RNGTT: variants seen among roughly 807,000 people sequenced by gnomAD.
RNGTT encodes RNA guanylyltransferase and 5'-phosphatase.
Under a neutral mutation model 79.3 loss-of-function variants are expected in RNGTT, and 33 were observed. The observed-to-expected ratio is 0.42, with a 90% confidence interval of 0.32 to 0.56. The LOEUF is 0.56. Ranked by LOEUF, RNGTT falls within the 20% of genes least tolerant of loss-of-function variation. RNGTT has a pLI of 0.17. For synonymous variants in RNGTT, 222 were observed against 235.9 expected (o/e 0.94, Z 0.54); for missense variants, 497 against 739.1 (o/e 0.67, Z 3.80).
rs760115701 is a variant in RNGTT at position 88,929,018 on chromosome 6, G to T, written c.334C>A (p.Arg112=). ...NTETFIRLCE[R]FNERNPPELI... is the part of the protein sequence containing the mutation. ...TCAGGTGGATTTCTTTCATTAAACC[G>T]CTCACACAGACGAATAAAGGTCTCA... is the stretch of plus-strand genomic sequence containing the variant. Residue 112 remains arginine, a synonymous_variant, in exon 4 of 16, where the codon CGG becomes AGG. Transcript: ENST00000369485. The T allele has an allele frequency of 3.7e-5, 59 of 1,611,978 alleles. No homozygotes were observed. Among genetic ancestry groups the T allele is most frequent in the Non-Finnish European group, 4.8e-5 (57 of 1,179,042 alleles).
At chr6:88,824,932 G>A (rs1209776500) in intron 11 of RNGTT, among the ~76,000 whole-genome samples, 3 of 151,702 alleles carry the variant, frequency 2.0e-5, no homozygotes, top group Non-Finnish European at 2.9e-5. Flanking sequence ...TAGTAAAGAC[G>A]GGGTTTCACC....
chr6:88,799,863 T>C (rs985877835), intron 12 of RNGTT, among the ~76,000 whole-genome samples: 1 of 152,184 alleles, frequency 6.6e-6, no homozygotes, highest in Non-Finnish European at 1.5e-5. Flanking sequence ...TTTCACACAC[T>C]GAAATTTTCT....
At chr6:88,697,041 G>A (rs1417044885) in intron 13 of RNGTT, among the ~76,000 whole-genome samples, 1 of 152,114 alleles carries the variant, frequency 6.6e-6, no homozygotes, top group Admixed American at 6.6e-5. Flanking sequence ...CAGAAAGACT[G>A]ACTGTTATAT....
chr6:88,799,482 T>C (rs1462014955), intron 12 of RNGTT, among the ~76,000 whole-genome samples: 2 of 152,040 alleles, frequency 1.3e-5, no homozygotes, highest in Non-Finnish European at 2.9e-5. Flanking sequence ...GCGGATCACC[T>C]GAGATCAGGA....
At chr6:88,734,635 C>T (rs1202813617) in intron 13 of RNGTT, among the ~76,000 whole-genome samples, 1 of 151,970 alleles carries the variant, frequency 6.6e-6, no homozygotes, top group Non-Finnish European at 1.5e-5. Context: ...AAATACGTAC[C>T]AAGTTAAAAC....
At chr6:88,808,223 A>C (rs992528280) in intron 11 of RNGTT, among the ~76,000 whole-genome samples, 6 of 152,148 alleles carry the variant, frequency 3.9e-5, no homozygotes, top group Admixed American at 1.3e-4. Context: ...AATATTAACA[A>C]TGTATTGTAG....
At chr6:88,813,504 A>C (rs1780210172) in intron 11 of RNGTT, among the ~76,000 whole-genome samples, 1 of 152,160 alleles carries the variant, frequency 6.6e-6, no homozygotes, top group African/African-American at 2.4e-5. Flanking sequence ...TTATTTTCCC[A>C]AAAACTCAAG....
chr6:88,909,520 TG>T (rs1783765499), intron 4 of RNGTT, among the ~76,000 whole-genome samples: 2 of 152,142 alleles, frequency 1.3e-5, no homozygotes, highest in Non-Finnish European at 1.5e-5. Context: ...GGTCTCCTGG[TG>T]GCCTAACCCT....
intron 4 of RNGTT, among the ~76,000 whole-genome samples, chr6:88,913,214 C>CAAAAAA (rs58717773): frequency 3.1e-5 from 2 of 65,544 alleles, no homozygotes; most frequent in African/African-American, 9.1e-5. Flanking sequence ...CAAAAAAAAA[C>CAAAAAA]AAAAAAAAAA....
At chr6:88,684,240 G>A (rs946281013) in intron 13 of RNGTT, among the ~76,000 whole-genome samples, 3 of 152,084 alleles carry the variant, frequency 2.0e-5, no homozygotes, top group South Asian at 4.2e-4. Flanking sequence ...CACCAATGCC[G>A]GCAAGGATGT....
At chr6:88,708,364 A>G (rs541386632) in intron 13 of RNGTT, among the ~76,000 whole-genome samples, 1 of 152,238 alleles carries the variant, frequency 6.6e-6, no homozygotes, top group East Asian at 1.9e-4. Flanking sequence ...TTGTCCCAAG[A>G]GTAACAGCCC....
At chr6:88,855,794 G>A (rs192113997) in intron 8 of RNGTT, among the ~76,000 whole-genome samples, 4 of 152,134 alleles carry the variant, frequency 2.6e-5, no homozygotes, top group Non-Finnish European at 5.9e-5. Flanking sequence ...TACTTAGTTC[G>A]CAAGACCCTC....
chr6:88,800,374 C>A (rs1226566882), intron 12 of RNGTT, among the ~76,000 whole-genome samples: 1 of 152,118 alleles, frequency 6.6e-6, no homozygotes, highest in Non-Finnish European at 1.5e-5. Context: ...TATAGCATAT[C>A]AGTCTTTGAA....
intron 13 of RNGTT, among the ~76,000 whole-genome samples, chr6:88,767,933 T>C (rs944299676): frequency 6.6e-6 from 1 of 152,174 alleles, no homozygotes; most frequent in African/African-American, 2.4e-5. Context: ...AATGTTTAGA[T>C]AAGAGAAAGA....
intron 1 of RNGTT, among the ~76,000 whole-genome samples, chr6:88,944,159 G>A (rs1159873185): frequency 6.6e-6 from 1 of 152,132 alleles, no homozygotes; most frequent in Non-Finnish European, 1.5e-5. Context: ...AAAGCTAATT[G>A]TGTATGTTTA....
intron 13 of RNGTT, among the ~76,000 whole-genome samples, chr6:88,690,443 AC>A (rs774880226): frequency 7.2e-5 from 11 of 151,996 alleles, no homozygotes; most frequent in Non-Finnish European, 1.6e-4. Flanking sequence ...GCAGTGGCTC[AC>A]ACCTATAATC....
At chr6:88,836,322 T>C (rs1352668978) in intron 11 of RNGTT, among the ~76,000 whole-genome samples, 1 of 151,766 alleles carries the variant, frequency 6.6e-6, no homozygotes, top group Admixed American at 6.6e-5. Context: ...TAATAAAAAT[T>C]TTTAAATTAA....
At chr6:88,682,621 C>A (rs533816669) in intron 13 of RNGTT, among the ~76,000 whole-genome samples, 1 of 151,980 alleles carries the variant, frequency 6.6e-6, no homozygotes, top group Non-Finnish European at 1.5e-5. Flanking sequence ...TTCCGGGGTA[C>A]GTGTGCAGAA....
intron 8 of RNGTT, among the ~76,000 whole-genome samples, chr6:88,871,911 A>T (rs779472178): frequency 6.6e-6 from 1 of 152,146 alleles, no homozygotes; most frequent in Non-Finnish European, 1.5e-5. Context: ...TCCCCCCCAT[A>T]AAAACAAACA....
Sources: allele counts gnomAD v4.1 joint callset (sites outside exome capture counted in the v4.1 genomes callset), GRCh38; gene constraint gnomAD v4.1.1; transcripts MANE v1.5; gene names NCBI Gene and HGNC (gene_info 2026-07-23, HGNC 2026-07-21).